KLF13: variants seen among roughly 807,000 people sequenced by gnomAD.
KLF13 encodes the protein KLF transcription factor 13.
KLF13 carries 8 observed loss-of-function variants against 16.7 expected under a neutral mutation model. The ratio of observed to expected loss-of-function variants is 0.48; its 90% CI spans 0.28 to 0.87. The LOEUF (loss-of-function observed/expected upper bound fraction) is 0.87. KLF13 is among the 40% of genes least tolerant of loss of function. KLF13 has a pLI of 0.10. For synonymous variants in KLF13, 245 were observed against 208.4 expected (o/e 1.18, Z -1.51); for missense variants, 447 against 452.2 (o/e 0.99, Z 0.10).
At chr15:31,361,351 G>T (rs572822046) in intron 1 of KLF13, among the ~76,000 whole-genome samples, 25 of 152,274 alleles carry the variant, frequency 1.6e-4, no homozygotes, top group African/African-American at 5.3e-4. Flanking sequence ...ACCTTGGTGA[G>T]GTCACTTGGT....
At chr15:31,395,753 T>A (rs2140987224) in intron 2 of KLF13, among the ~76,000 whole-genome samples, 1 of 152,356 alleles carries the variant, frequency 6.6e-6, no homozygotes, top group Admixed American at 6.5e-5. Context: ...CATCTACAGT[T>A]TTGACATTTA....
chr15:31,382,230 C>A (rs1310567125), downstream of KLF13, among the ~76,000 whole-genome samples: 1 of 152,210 alleles, frequency 6.6e-6, no homozygotes, highest in Admixed American at 6.5e-5. Context: ...GTCCCAGAGG[C>A]CTGCCGGGCA....
At chr15:31,405,334 AAAG>A (rs1402972718), downstream of KLF13, among the ~76,000 whole-genome samples, 1 of 152,268 alleles carries the variant, frequency 6.6e-6, no homozygotes, top group East Asian at 1.9e-4. Flanking sequence ...AAGGAAAAAA[AAAG>A]AAAAGAGCTT....
intron 1 of KLF13, among the ~76,000 whole-genome samples, chr15:31,328,887 G>T (rs1595447228): frequency 6.6e-6 from 1 of 152,240 alleles, no homozygotes; most frequent in Non-Finnish European, 1.5e-5. Context: ...CTTGGGGGCA[G>T]GCTCAAAACC....
At chr15:31,342,936 C>T (rs1444705090) in intron 1 of KLF13, among the ~76,000 whole-genome samples, 3 of 152,222 alleles carry the variant, frequency 2.0e-5, no homozygotes, top group East Asian at 1.9e-4. Context: ...AGAGCATGGC[C>T]TTCCTCGCTC....
intron 1 of KLF13, among the ~76,000 whole-genome samples, chr15:31,413,933 C>T (rs1270865275): frequency 1.3e-5 from 2 of 152,122 alleles, no homozygotes; most frequent in Non-Finnish European, 2.9e-5. Flanking sequence ...GAGCCTATAA[C>T]ATATATGTGA....
intron 1 of KLF13, chr15:31,420,232 A>G (rs1403887087): frequency 3.0e-6 from 2 of 655,986 alleles, no homozygotes; most frequent in Admixed American, 1.8e-5. Context: ...GCAAAAGACT[A>G]CAGCAGGAGC....
At chr15:31,378,818 C>T (rs569454225), downstream of KLF13, among the ~76,000 whole-genome samples, 396 of 152,284 alleles carry the variant, frequency 2.6e-3, 3 homozygotes, top group African/African-American at 8.3e-3. Context: ...CTCTCAGGTT[C>T]GAACGATTCT....
At chr15:31,402,875 A>T (rs1314466845) in intron 2 of KLF13, among the ~76,000 whole-genome samples, 1 of 27,934 alleles carries the variant, frequency 3.6e-5, no homozygotes, top group African/African-American at 7.8e-5. Flanking sequence ...AAAAAAAAAC[A>T]ACTTTTAAGT....
chr15:31,343,417 C>T (rs2039061402), intron 1 of KLF13, among the ~76,000 whole-genome samples: 1 of 152,224 alleles, frequency 6.6e-6, no homozygotes, highest in Admixed American at 6.5e-5. Flanking sequence ...CTTAAGTCTG[C>T]ACACCTCCCA....
chr15:31,404,632 G>A (rs1371328297), exon 3 of KLF13: 1 of 152,226 alleles, frequency 6.6e-6, no homozygotes, highest in African/African-American at 2.4e-5. Flanking sequence ...AATAAAAGCT[G>A]GCCACCCTCC....
At chr15:31,422,381 C>T (rs186977907) in intron 1 of KLF13, among the ~76,000 whole-genome samples, 22 of 152,206 alleles carry the variant, frequency 1.4e-4, no homozygotes, top group African/African-American at 4.8e-4. Flanking sequence ...GAAGCAGGCA[C>T]CTTCTTTTCA....
chr15:31,417,755 C>T (rs1469648575), intron 1 of KLF13, among the ~76,000 whole-genome samples: 1 of 151,628 alleles, frequency 6.6e-6, no homozygotes, highest in South Asian at 2.1e-4. Context: ...TTATATGGTC[C>T]GGCTGGTCTG....
chr15:31,351,598 C>T (rs547613319), intron 1 of KLF13, among the ~76,000 whole-genome samples: 1 of 152,310 alleles, frequency 6.6e-6, no homozygotes, highest in South Asian at 2.1e-4. Context: ...TGTGCATTTT[C>T]AGGGCAGGTT....
chr15:31,358,896 C>T (rs1229241002), intron 1 of KLF13, among the ~76,000 whole-genome samples: 1 of 152,236 alleles, frequency 6.6e-6, no homozygotes, highest in Non-Finnish European at 1.5e-5. Context: ...AGCCAGGGAA[C>T]ATTCCCTTCA....
At chr15:31,394,292 C>T (rs1224054253) in intron 2 of KLF13, among the ~76,000 whole-genome samples, 1 of 151,688 alleles carries the variant, frequency 6.6e-6, no homozygotes, top group East Asian at 1.9e-4. Flanking sequence ...CTGGCTAACA[C>T]GGTGAAACCC....
downstream of KLF13, among the ~76,000 whole-genome samples, chr15:31,382,123 G>C (rs552732677): frequency 3.0e-4 from 45 of 152,324 alleles, no homozygotes; most frequent in South Asian, 4.8e-3. Context: ...CCCAGGCCAG[G>C]CCTCCACTCT....
In KLF13 at chr15:31,366,710, G is replaced by A. The variant is rs532887054; in HGVS notation, c.578-5300G>A. ...AGGCGGGCTCACTCCCTGAAGGGCC[G>A]GGCCTGGCTGGCCCCTCACCTCACT... On this transcript the variant is annotated intron_variant, in intron 1 of 1. Coordinates refer to ENST00000307145, the MANE Select transcript of KLF13 (RefSeq NM_015995.4). 2.3e-4 allele frequency among the ~76,000 whole-genome samples: 4 copies of A among 17,572 alleles called. No individual in the cohort carries two copies. In the East Asian group the frequency reaches 5.2e-3, roughly 23 times the overall value. 11.5% of individuals were successfully genotyped at this position (17,572 alleles called of 152,430 possible). A position where few individuals can be genotyped will look rare whatever the true frequency, so the allele number is the denominator to read the frequency against.
Position 31,327,308 on chromosome 15 carries a change from G to C in KLF13, c.96G>C (p.Glu32Asp). The C allele has an allele frequency of 2.3e-6, 3 of 1,291,882 alleles. No individual in the cohort carries two copies. In the South Asian group the frequency reaches 6.6e-5, roughly 28 times the overall value. 80.0% of individuals were successfully genotyped at this position (1,291,882 alleles called of 1,614,324 possible). ...AVVHGPREGP[E>D]SRPEGAAVAA... Reference sequence around the variant, plus strand: ...TGCACGGGCCGCGGGAGGGGCCGGAGTCCCGGCCCGAGGGCGCGGCCGTGG... The same window carrying C: ...TGCACGGGCCGCGGGAGGGGCCGGACTCCCGGCCCGAGGGCGCGGCCGTGG... Residue 32 changes from glutamate to aspartate, a missense_variant, in exon 1 of 2, where the codon GAG (glutamate) becomes GAC (aspartate). Around this residue, in one of 2 missense-constraint regions of KLF13, gnomAD observed 359 missense variants for 282.8 expected, o/e 1.27. Transcript: ENST00000307145.
Sources: gnomAD v4.1 joint callset for allele counts (sites outside exome capture counted in the v4.1 genomes callset) on GRCh38, gnomAD v4.1.1 for gene constraint, gnomAD v4.1.1 regional missense constraint, MANE v1.5 for transcripts, NCBI Gene and HGNC (gene_info 2026-07-23, HGNC 2026-07-21) for gene names.